The following BAZ1B variants were observed in gnomAD, a reference collection of about 807,000 sequenced individuals.
BAZ1B encodes bromodomain adjacent to zinc finger domain 1B.
BAZ1B carries 22 observed loss-of-function variants against 153.8 expected under a neutral mutation model. The ratio of observed to expected loss-of-function variants is 0.14; its 90% CI spans 0.10 to 0.20. BAZ1B has a LOEUF of 0.20. Among genes scored for constraint, BAZ1B ranks in the 10% least tolerant of loss-of-function variants. The pLI, the probability that BAZ1B is intolerant of heterozygous loss-of-function variation, is 1.00. For missense variants in BAZ1B, 1,325 were observed against 1,799.3 expected (o/e 0.74, Z 4.77); for synonymous variants, 676 against 633.4 (o/e 1.07, Z -1.01).
chr7:73,511,122 G>C (rs1241384818), intron 1 of BAZ1B, among the ~76,000 whole-genome samples: 3 of 151,740 alleles, frequency 2.0e-5, no homozygotes, highest in African/African-American at 7.3e-5. Context: ...CAAAAAATTA[G>C]CTGTGAGTGG....
At chr7:73,491,986 CTTTTTT>C (rs782649883) in intron 5 of BAZ1B, among the ~76,000 whole-genome samples, 5 of 117,260 alleles carry the variant, frequency 4.3e-5, no homozygotes, top group African/African-American at 1.0e-4. Flanking sequence ...CAGCAAAACG[CTTTTTT>C]TTTTTTTTTT....
rs114997650 is a variant in BAZ1B at position 73,478,618 on chromosome 7, C to G, written c.892-49G>C. The G allele has an allele frequency of 2.6e-4, 374 of 1,413,790 alleles. 1 individual carries two copies. In the African/African-American group the frequency reaches 5.1e-3, roughly 19 times the overall value. The allele number at this position is 1,413,790 out of a possible 1,614,324, so 87.6% of individuals were successfully genotyped here. On this transcript the variant is annotated intron_variant, in intron 6 of 19. Coordinates refer to ENST00000339594, the MANE Select transcript of BAZ1B (RefSeq NM_032408.4). ...AATTAATTTTAAAATCTAAAACTAA[C>G]TTAAGCAACATTTAAGCATCTTAAA...
At chr7:73,442,685 G>A in intron 18 of BAZ1B, 40 bp downstream of exon 18, 1 of 1,597,490 alleles carries the variant, frequency 6.3e-7, no homozygotes, top group Non-Finnish European at 8.6e-7. Context: ...GAACCAGCCA[G>A]GCCACTCCTC....
intron 19 of BAZ1B, 168 bp downstream of exon 19, chr7:73,442,013 A>G: frequency 1.7e-6 from 1 of 596,404 alleles, no homozygotes; most frequent in South Asian, 2.1e-5. Flanking sequence ...TTTCTGGACA[A>G]AGACCACCAA....
At chr7:73,517,728 AT>A (rs1401437482) in intron 1 of BAZ1B, among the ~76,000 whole-genome samples, 1 of 152,202 alleles carries the variant, frequency 6.6e-6, no homozygotes, top group Non-Finnish European at 1.5e-5. Context: ...TGTCAAAGCA[AT>A]TCTCCAAAGG....
At chr7:73,474,771 C>T (rs1462917495) in intron 7 of BAZ1B, among the ~76,000 whole-genome samples, 3 of 152,082 alleles carry the variant, frequency 2.0e-5, no homozygotes, top group African/African-American at 7.2e-5. Context: ...AGCGCAACTC[C>T]GTCTCCCCCA....
chr7:73,466,937 CGTTTT>C (rs1449950247), intron 9 of BAZ1B, among the ~76,000 whole-genome samples: 32 of 152,010 alleles, frequency 2.1e-4, no homozygotes, highest in African/African-American at 7.2e-4. Context: ...TGTTTTGTTT[CGTTTT>C]GTTTTTTGAG....
intron 11 of BAZ1B, among the ~76,000 whole-genome samples, chr7:73,464,801 AT>A (rs1370851570): frequency 6.6e-6 from 1 of 152,096 alleles, no homozygotes; most frequent in Non-Finnish European, 1.5e-5. Context: ...TCTTGGCTCA[AT>A]GCAACCTCCG....
intron 7 of BAZ1B, among the ~76,000 whole-genome samples, chr7:73,476,146 G>C (rs60202902): frequency 0.024 from 3,702 of 152,202 alleles, 158 homozygotes; most frequent in African/African-American, 0.083. Context: ...TGGTTGCTCA[G>C]GGCTGGGGAG....
intron 6 of BAZ1B, among the ~76,000 whole-genome samples, chr7:73,488,900 T>C (rs1554574942): frequency 6.6e-6 from 1 of 152,152 alleles, no homozygotes; most frequent in Non-Finnish European, 1.5e-5. Context: ...ATACTTTTTA[T>C]ATTTATACCA....
At chr7:73,507,942 G>C (rs529760901) in intron 3 of BAZ1B, among the ~76,000 whole-genome samples, 1 of 152,224 alleles carries the variant, frequency 6.6e-6, no homozygotes, top group East Asian at 1.9e-4. Flanking sequence ...ATCATCTGAA[G>C]TCAGGAGTTT....
Position 73,470,262 on chromosome 7 carries a change from A to G in BAZ1B, c.2732+83T>C, listed in dbSNP as rs1338839090. On this transcript the variant is annotated intron_variant, in intron 8 of 19. Coordinates refer to ENST00000339594, the MANE Select transcript of BAZ1B (RefSeq NM_032408.4). ...GAAAACTGAAGAGAGAAGCTTGTCT[A>G]TTCTTGTACTTTAGAAAATTTTCCT... 4 of 1,393,268 alleles carry G rather than the reference A, an allele frequency of 2.9e-6. No individual in the cohort carries two copies. In the African/African-American group the frequency reaches 5.8e-5, roughly 20 times the overall value. The allele number at this position is 1,393,268 out of a possible 1,614,324, so 86.3% of individuals were successfully genotyped here.
Position 73,450,758 on chromosome 7 carries a change from C to A in BAZ1B, c.3580+89G>T. Reference sequence around the variant, plus strand: ...ATACCACACTTATATTCTGTGTACACAAAATTCTTTTGGGTAGAAATGAAG... The same window carrying A: ...ATACCACACTTATATTCTGTGTACAAAAAATTCTTTTGGGTAGAAATGAAG... On this transcript the variant is annotated intron_variant, in intron 14 of 19. Coordinates refer to ENST00000339594, the MANE Select transcript of BAZ1B (RefSeq NM_032408.4). This position sits in a 1 kb window ranked among gnomAD's most constrained non-coding sequence, Gnocchi z 4.1. 2 of 1,485,650 alleles carry A rather than the reference C, an allele frequency of 1.3e-6. No individual in the cohort carries two copies. Among genetic ancestry groups the A allele is most frequent in the Non-Finnish European group, 1.9e-6 (2 of 1,079,632 alleles). 92.0% of individuals were successfully genotyped at this position (1,485,650 alleles called of 1,614,324 possible).
intron 1 of BAZ1B, 29 bp downstream of exon 1, chr7:73,521,778 CCCCGGCCCAGCCCGGCCCAG>C (rs576870439): frequency 2.8e-6 from 4 of 1,448,394 alleles, no homozygotes; most frequent in Non-Finnish European, 3.7e-6. Context: ...CCAGGCCCTA[CCCCGGCCCAGCCCGGCCCAG>C]CCCGGCCCGC....
At chr7:73,517,556 A>G (rs2115618555) in intron 1 of BAZ1B, among the ~76,000 whole-genome samples, 1 of 152,304 alleles carries the variant, frequency 6.6e-6, no homozygotes, top group East Asian at 1.9e-4. Flanking sequence ...ATGAAAAGGC[A>G]AAAAGGCCCA....
chr7:73,503,788 C>T (rs1790229007), intron 3 of BAZ1B, among the ~76,000 whole-genome samples: 1 of 152,176 alleles, frequency 6.6e-6, no homozygotes, highest in African/African-American at 2.4e-5. Flanking sequence ...CTTAAATAGG[C>T]TGACCTTTAC....
chr7:73,467,179 C>T lies in BAZ1B; in HGVS notation c.2867-778G>A, dbSNP rs573760740. 1.4e-3 allele frequency among the ~76,000 whole-genome samples: 210 copies of T among 151,942 alleles called. 3 individuals are homozygous for T. In the South Asian group the frequency reaches 0.021, roughly 15 times the overall value. ...AACTCCTGACCTCAGGTGATCCGCC[C>T]GCCTTGGCCTCCCAAGTGCTGGGAT... On this transcript the variant is annotated intron_variant, in intron 9 of 19. Coordinates refer to ENST00000339594, the MANE Select transcript of BAZ1B (RefSeq NM_032408.4).
rs782091161 is a variant in BAZ1B at position 73,478,182 on chromosome 7, C to T, written c.1279G>A (p.Gly427Arg). 6.2e-7 allele frequency: 1 copy of T among 1,613,864 alleles called. No individual in the cohort carries two copies. Among genetic ancestry groups the T allele is most frequent in the African/African-American group, 1.3e-5 (1 of 74,854 alleles). ...ATTTTGGTTTTAGGAGTCTTCAGTC[C>T]TTTTTTGGGAGATTTGGAATTCCCT... ...STGNSKSPKK[G>R]LKTPKTKMKQ... Residue 427 changes from glycine (G) to arginine (R), a missense_variant, in exon 7 of 20, where the codon GGA (glycine) becomes AGA (arginine). Physicochemically the swap from Gly to Arg is moderately radical, Grantham distance 125. Coordinates refer to ENST00000339594, the MANE Select transcript of BAZ1B (RefSeq NM_032408.4).
intron 14 of BAZ1B, 79 bp from the exon 15 acceptor site, chr7:73,449,768 T>C (rs1787967273): frequency 1.3e-6 from 2 of 1,484,434 alleles, no homozygotes; most frequent in Non-Finnish European, 1.8e-6. Flanking sequence ...GCAATCACCC[T>C]ACAATTCAAG....
Sources: gnomAD v4.1 joint callset for allele counts (sites outside exome capture counted in the v4.1 genomes callset) on GRCh38, gnomAD v4.1.1 for gene constraint, Gnocchi (gnomAD v3.1) non-coding constraint, MANE v1.5 for transcripts, NCBI Gene and HGNC (gene_info 2026-07-23, HGNC 2026-07-21) for gene names.